TIMMDC1: variants seen among roughly 807,000 people sequenced by gnomAD.
The protein encoded by TIMMDC1 is translocase of inner mitochondrial membrane domain containing 1.
A neutral mutation model predicts 32.6 loss-of-function variants in TIMMDC1; 25 were observed. The ratio of observed to expected loss-of-function variants is 0.77; its 90% CI spans 0.56 to 1.07. The LOEUF (loss-of-function observed/expected upper bound fraction) is 1.07. Ranked by LOEUF, TIMMDC1 falls within the 50% of genes least tolerant of loss-of-function variation. The pLI, the probability that TIMMDC1 is intolerant of heterozygous loss-of-function variation, is 0.00. For missense variants in TIMMDC1, 329 were observed against 349.2 expected (o/e 0.94, Z 0.46); for synonymous variants, 130 against 127.6 (o/e 1.02, Z -0.13).
chr3:119,509,578 G>A (rs1175714662), intron 4 of TIMMDC1, among the ~76,000 whole-genome samples: 3 of 152,154 alleles, frequency 2.0e-5, no homozygotes, highest in African/African-American at 7.2e-5. Context: ...GGATTGAGGT[G>A]AGATTGGGAA....
chr3:119,513,570 A>C, intron 4 of TIMMDC1, 71 bp from the exon 5 acceptor site: 1 of 1,193,444 alleles, frequency 8.4e-7, no homozygotes, highest in Non-Finnish European at 1.2e-6. Flanking sequence ...TCCTTTTTGT[A>C]GAAGGAAAGT....
chr3:119,500,745 C>T lies in TIMMDC1; in HGVS notation c.245C>T (p.Ala82Val). 2 of 1,614,072 alleles carry T rather than the reference C, an allele frequency of 1.2e-6. No individual in the cohort carries two copies. Among genetic ancestry groups the T allele is most frequent in the Non-Finnish European group, 1.7e-6 (2 of 1,179,986 alleles). Residue 82 changes from alanine (A) to valine (V), a missense_variant, in exon 2 of 7, where the codon GCT (alanine) becomes GTT (valine). Transcript: ENST00000494664. The part of the protein sequence containing the change: ...KDLANICKTA[A>V]TAGIIGWVYG... ...CTTGCTAATATCTGTAAGACGGCAGCTACAGCAGGCATCATTGGCTGGGTG... is the reference window on the plus strand; with the variant it reads ...CTTGCTAATATCTGTAAGACGGCAGTTACAGCAGGCATCATTGGCTGGGTG...
intron 2 of TIMMDC1, among the ~76,000 whole-genome samples, chr3:119,502,555 AT>A (rs968642747): frequency 1.9e-4 from 28 of 148,814 alleles, no homozygotes; most frequent in African/African-American, 5.2e-4. Context: ...TAATTAATTA[AT>A]TTTTTTTTTG....
At chr3:119,510,555 A>G (rs2081946638) in intron 4 of TIMMDC1, among the ~76,000 whole-genome samples, 1 of 152,220 alleles carries the variant, frequency 6.6e-6, no homozygotes, top group East Asian at 1.9e-4. Flanking sequence ...ATAAAGTTAC[A>G]ATAAAGAGGA....
chr3:119,509,974 G>A (rs750719082), intron 4 of TIMMDC1, among the ~76,000 whole-genome samples: 5 of 152,020 alleles, frequency 3.3e-5, no homozygotes, highest in Non-Finnish European at 7.4e-5. Context: ...ATGAACCACC[G>A]TGCCGGGCCA....
rs2082045649 is a variant in TIMMDC1, at chr3:119,523,613, A to G, written c.715A>G (p.Arg239Gly). 1 of 1,600,744 alleles carries G rather than the reference A, an allele frequency of 6.2e-7. No individual in the cohort carries two copies. Among genetic ancestry groups the G allele is most frequent in the Non-Finnish European group, 8.5e-7 (1 of 1,175,618 alleles). ...HELKLEEWKGRLQVTEHLPEK... is the reference protein window; with the variant it reads ...HELKLEEWKGGLQVTEHLPEK... ...CTTTTTATCTGATTACAGGAAAGGC[A>G]GACTACAAGTTACTGAGCACCTCCC... The change falls in exon 7 of 7, where the codon AGA becomes GGA. Residue 239 changes from arginine (R) to glycine (G), a missense_variant. Coordinates refer to ENST00000494664, the MANE Select transcript of TIMMDC1 (RefSeq NM_016589.4).
chr3:119,505,443 A>G (rs911963961), intron 4 of TIMMDC1, among the ~76,000 whole-genome samples: 9 of 151,756 alleles, frequency 5.9e-5, no homozygotes, highest in Non-Finnish European at 1.3e-4. Flanking sequence ...AGCTCACCAC[A>G]ACCTCCGCCT....
intron 4 of TIMMDC1, among the ~76,000 whole-genome samples, chr3:119,505,258 G>GA (rs1025344601): frequency 3.0e-4 from 45 of 152,062 alleles, no homozygotes; most frequent in African/African-American, 1.0e-3. Context: ...ATTTTAAAAT[G>GA]AGCATTCGTT....
In TIMMDC1 at chr3:119,502,620, G is replaced by A. The variant is rs114739111; in HGVS notation, c.361-912G>A. On this transcript the variant is annotated intron_variant, in intron 2 of 6. Transcript: ENST00000494664. ...TCAGTGCAGGCTGGAGTGCAGCGGCGCGATCATAGCTCACCACAACCTCAA... is the reference window on the plus strand; with the variant it reads ...TCAGTGCAGGCTGGAGTGCAGCGGCACGATCATAGCTCACCACAACCTCAA... Among the ~76,000 whole-genome samples, 1,147 of 151,964 alleles carry A rather than the reference G, an allele frequency of 7.5e-3. 20 individuals are homozygous for A. Among genetic ancestry groups the A allele is most frequent in the South Asian group, 0.071 (343 of 4,802 alleles).
intron 1 of TIMMDC1, among the ~76,000 whole-genome samples, chr3:119,499,434 T>TC (rs1560044321): frequency 7.4e-6 from 1 of 135,258 alleles, no homozygotes. Context: ...TTTTTTTTTT[T>TC]CGAGACTGAG....
chr3:119,515,309 T>C (rs1358337898), intron 5 of TIMMDC1, among the ~76,000 whole-genome samples: 23 of 152,150 alleles, frequency 1.5e-4, no homozygotes, highest in Admixed American at 1.5e-3. Context: ...AGCCAGACTA[T>C]TCTCTGTTCC....
chr3:119,511,229 G>A (rs2081949999), intron 4 of TIMMDC1, among the ~76,000 whole-genome samples: 1 of 152,006 alleles, frequency 6.6e-6, no homozygotes, highest in African/African-American at 2.4e-5. Context: ...TGTAATCCCA[G>A]CACTTTGGGA....
chr3:119,503,745 T>A, intron 3 of TIMMDC1, 125 bp downstream of exon 3: 1 of 885,354 alleles, frequency 1.1e-6, no homozygotes. Flanking sequence ...TGCCTTTTTT[T>A]TTTTTTCAAG....
At chr3:119,506,074 A>T (rs1036952096) in intron 4 of TIMMDC1, among the ~76,000 whole-genome samples, 8 of 152,216 alleles carry the variant, frequency 5.3e-5, no homozygotes, top group Non-Finnish European at 1.2e-4. Flanking sequence ...ATTTTAATGA[A>T]AACTTTTTAA....
chr3:119,503,154 C>G (rs1196246692), intron 2 of TIMMDC1, among the ~76,000 whole-genome samples: 1 of 152,110 alleles, frequency 6.6e-6, no homozygotes, highest in Non-Finnish European at 1.5e-5. Flanking sequence ...AGCATTGACA[C>G]GTCATTCAAA....
At chr3:119,506,905 A>G (rs764763719) in intron 4 of TIMMDC1, among the ~76,000 whole-genome samples, 3 of 152,108 alleles carry the variant, frequency 2.0e-5, no homozygotes, top group Non-Finnish European at 4.4e-5. Context: ...CACTACCACA[A>G]TTAATTTTGT....
Position 119,498,808 on chromosome 3 carries a change from C to T in TIMMDC1, c.75C>T (p.Ala25=). ...ALCLFPRVFA[A]EAVTADSEVL... is the part of the protein sequence containing the mutation. ...GCCTATTTCCCCGAGTCTTTGCTGCCGAAGCTGTGACTGCCGATTCGGAAG... is the reference window on the plus strand; with the variant it reads ...GCCTATTTCCCCGAGTCTTTGCTGCTGAAGCTGTGACTGCCGATTCGGAAG... The change falls in exon 1 of 7, where the codon GCC becomes GCT. Residue 25 remains alanine, a synonymous_variant. Transcript: ENST00000494664. 1.9e-6 allele frequency: 3 copies of T among 1,614,196 alleles called. No homozygotes were observed. The highest frequency in any genetic ancestry group is 2.5e-6 in the Non-Finnish European group (3 of 1,180,040).
At chr3:119,501,288 T>C (rs2081873311) in intron 2 of TIMMDC1, among the ~76,000 whole-genome samples, 1 of 152,228 alleles carries the variant, frequency 6.6e-6, no homozygotes, top group Admixed American at 6.5e-5. Flanking sequence ...TGTGAGAATA[T>C]TAAAGCTCAG....
intron 6 of TIMMDC1, among the ~76,000 whole-genome samples, chr3:119,521,290 C>A (rs554450894): frequency 2.4e-3 from 369 of 152,298 alleles, no homozygotes; most frequent in South Asian, 6.0e-3. Context: ...CACGGTGGCT[C>A]ACACTTGTAA....
Sources: gnomAD v4.1 joint callset for allele counts (sites outside exome capture counted in the v4.1 genomes callset) on GRCh38, gnomAD v4.1.1 for gene constraint, MANE v1.5 for transcripts, NCBI Gene and HGNC (gene_info 2026-07-23, HGNC 2026-07-21) for gene names.